Variants in TAFA4 observed in about 807,000 individuals in gnomAD.
The protein encoded by TAFA4 is chemokine-like protein TAFA-4.
TAFA4 carries 20 observed loss-of-function variants against 21.1 expected under a neutral mutation model. The ratio of observed to expected loss-of-function variants is 0.95; its 90% CI spans 0.67 to 1.38. The LOEUF (loss-of-function observed/expected upper bound fraction) is 1.38. TAFA4 is among the 40% of genes most tolerant of loss of function. The pLI is 0.00. For missense variants in TAFA4, 211 were observed against 180.9 expected, an observed-to-expected ratio of 1.17 and a Z score of -0.95; for synonymous variants, 71 against 67.4, an observed-to-expected ratio of 1.05 and a Z score of -0.26.
intron 3 of TAFA4, among the ~76,000 whole-genome samples, chr3:68,792,967 G>T (rs947621673): frequency 5.3e-5 from 8 of 152,114 alleles, no homozygotes; most frequent in Non-Finnish European, 1.2e-4. Context: ...TTCTCTTCAT[G>T]ATCCTTATAC....
intron 3 of TAFA4, among the ~76,000 whole-genome samples, chr3:68,781,949 A>C (rs922537691): frequency 2.6e-5 from 4 of 152,214 alleles, no homozygotes; most frequent in African/African-American, 9.6e-5. Context: ...TTAGCAATGA[A>C]TTCTTAGATG....
chr3:68,789,953 C>G (rs1224243639), intron 3 of TAFA4, among the ~76,000 whole-genome samples: 3 of 152,078 alleles, frequency 2.0e-5, no homozygotes, highest in East Asian at 1.9e-4. Context: ...GAAGGGAAAC[C>G]ACATCAGTGG....
At chr3:68,914,579 A>T (rs996017137) in intron 1 of TAFA4, among the ~76,000 whole-genome samples, 2 of 152,224 alleles carry the variant, frequency 1.3e-5, no homozygotes, top group Non-Finnish European at 2.9e-5. Context: ...TGCATTCGTG[A>T]TGCACTTCAT....
chr3:68,781,135 T>A (rs1170653063), intron 3 of TAFA4, among the ~76,000 whole-genome samples: 1 of 151,906 alleles, frequency 6.6e-6, no homozygotes, highest in Non-Finnish European at 1.5e-5. Context: ...GTGAGACATA[T>A]CTAAAGCAGT....
At chr3:68,738,914 G>T (rs113392411) in intron 5 of TAFA4, among the ~76,000 whole-genome samples, 161 bp downstream of exon 5, 7 of 152,094 alleles carry the variant, frequency 4.6e-5, no homozygotes, top group Non-Finnish European at 1.0e-4. Context: ...GAATGATGCC[G>T]GGAAATGCGC....
intron 4 of TAFA4, among the ~76,000 whole-genome samples, chr3:68,741,973 TCAA>T (rs1479995030): frequency 6.6e-6 from 1 of 152,010 alleles, no homozygotes; most frequent in African/African-American, 2.4e-5. Flanking sequence ...TCAAAAATCC[TCAA>T]CAAAACACTA....
At chr3:68,880,645 C>A (rs1009903282) in intron 3 of TAFA4, 85 bp downstream of exon 3, 3 of 1,080,456 alleles carry the variant, frequency 2.8e-6, no homozygotes, top group Non-Finnish European at 4.3e-6. Flanking sequence ...AAGCTCACAT[C>A]AGTTATCTGT....
At chr3:68,876,495 CAGTT>C (rs535769410) in intron 3 of TAFA4, among the ~76,000 whole-genome samples, 153 of 152,150 alleles carry the variant, frequency 1.0e-3, no homozygotes, top group Admixed American at 2.5e-3. Flanking sequence ...ATTCCCCACT[CAGTT>C]AGTATTTTTG....
intron 3 of TAFA4, among the ~76,000 whole-genome samples, chr3:68,762,472 G>A (rs2106768767): frequency 6.6e-6 from 1 of 152,258 alleles, no homozygotes; most frequent in East Asian, 1.9e-4. Flanking sequence ...AATGGGTAGA[G>A]CATCAAAGGA....
chr3:68,890,514 A>T (rs1207958194), intron 1 of TAFA4, among the ~76,000 whole-genome samples: 1 of 152,208 alleles, frequency 6.6e-6, no homozygotes, highest in African/African-American at 2.4e-5. Context: ...TTTTTATTTT[A>T]AAAACACTGA....
chr3:68,819,046 GTGGA>G (rs1401351488), intron 3 of TAFA4, among the ~76,000 whole-genome samples: 1 of 152,128 alleles, frequency 6.6e-6, no homozygotes, highest in Non-Finnish European at 1.5e-5. Context: ...GCCAAGGCAG[GTGGA>G]TCACTCAAAG....
intron 4 of TAFA4, among the ~76,000 whole-genome samples, chr3:68,739,727 A>G (rs954015142): frequency 2.0e-5 from 3 of 152,232 alleles, no homozygotes; most frequent in East Asian, 3.8e-4. Flanking sequence ...TTACAGCACC[A>G]TGGATGGAAC....
At chr3:68,874,090 G>GA (rs371525016) in intron 3 of TAFA4, among the ~76,000 whole-genome samples, 2 of 152,002 alleles carry the variant, frequency 1.3e-5, no homozygotes, top group Non-Finnish European at 1.5e-5. Flanking sequence ...CAACAGCTAA[G>GA]AAAAAAACAG....
Position 68,753,026 on chromosome 3 carries a change from G to A in TAFA4, c.131-8C>T. 1 of 1,610,688 alleles carries A rather than the reference G, an allele frequency of 6.2e-7. No individual in the cohort carries two copies. The highest frequency in any genetic ancestry group is 8.5e-7 in the Non-Finnish European group (1 of 1,177,548). On this transcript the variant is annotated splice_polypyrimidine_tract_variant and splice_region_variant and intron_variant, in intron 3 of 5. Coordinates refer to ENST00000295569, the MANE Select transcript of TAFA4 (RefSeq NM_182522.5). Reference sequence around the variant, plus strand: ...GCTTGATTTGGTGGTGACCTAGTTGGTAATGGGGGAGAAAAACAAACCCAG... The same window carrying A: ...GCTTGATTTGGTGGTGACCTAGTTGATAATGGGGGAGAAAAACAAACCCAG...
chr3:68,836,006 A>G (rs546652730), intron 3 of TAFA4, among the ~76,000 whole-genome samples: 1 of 152,196 alleles, frequency 6.6e-6, no homozygotes. Context: ...TTTTCTCATT[A>G]TATGCAATAT....
At chr3:68,839,921 G>T (rs1484866608) in intron 3 of TAFA4, among the ~76,000 whole-genome samples, 7 of 152,294 alleles carry the variant, frequency 4.6e-5, no homozygotes, top group African/African-American at 1.7e-4. Context: ...GGTCTATCAT[G>T]GAAATGAAGC....
intron 3 of TAFA4, among the ~76,000 whole-genome samples, chr3:68,820,500 A>T (rs1559532483): frequency 6.6e-6 from 1 of 151,826 alleles, no homozygotes; most frequent in Non-Finnish European, 1.5e-5. Flanking sequence ...ACATAGTGAA[A>T]CCTCATCCTA....
At chr3:68,866,464 G>A (rs535470175) in intron 3 of TAFA4, among the ~76,000 whole-genome samples, 1 of 151,858 alleles carries the variant, frequency 6.6e-6, no homozygotes, top group African/African-American at 2.4e-5. Context: ...ACCAAAACAA[G>A]CCAGGGAGCA....
intron 3 of TAFA4, among the ~76,000 whole-genome samples, chr3:68,767,040 C>T (rs559069538): frequency 6.6e-6 from 1 of 152,082 alleles, no homozygotes; most frequent in Non-Finnish European, 1.5e-5. Flanking sequence ...TGCCTAAAAA[C>T]GTTTATTTTT....
Sources: allele counts gnomAD v4.1 joint callset (sites outside exome capture counted in the v4.1 genomes callset), GRCh38; gene constraint gnomAD v4.1.1; transcripts MANE v1.5; gene names NCBI Gene and HGNC (gene_info 2026-07-23, HGNC 2026-07-21).